The following CACNA1E variants were observed in gnomAD, a reference collection of about 807,000 sequenced individuals.
CACNA1E encodes the protein calcium voltage-gated channel subunit alpha1 E, also known as voltage-dependent R-type calcium channel subunit alpha-1E.
CACNA1E carries 40 observed loss-of-function variants against 259.2 expected under a neutral mutation model. That is an observed-to-expected ratio of 0.15 (90% CI 0.12 to 0.20). CACNA1E has a LOEUF of 0.20. CACNA1E is among the 10% of genes least tolerant of loss of function. The pLI is 1.00. For missense variants in CACNA1E, 1,874 were observed against 3,040.1 expected (o/e 0.62, Z 9.02); for synonymous variants, 1,104 against 1,138.5 (o/e 0.97, Z 0.61).
In CACNA1E at chr1:181,349,486, T is replaced by C. The variant is rs571369896; in HGVS notation, c.-15+31363T>C. ...TGCTGGAGGAGTTCAAAGAGGGGAA[T>C]GAAGCAGTGACATTGAAAGGGAAGA... On this transcript the variant is annotated intron_variant, in intron 1 of 11. Transcript: ENST00000524607. Among the ~76,000 whole-genome samples the C allele has an allele frequency of 9.9e-5, 15 of 152,144 alleles. 1 individual carries two copies. In the South Asian group the frequency reaches 3.1e-3, roughly 32 times the overall value.
chr1:181,739,339 A>G (rs1291345118), intron 25 of CACNA1E, 86 bp downstream of exon 25: 5 of 934,614 alleles, frequency 5.3e-6, no homozygotes, highest in Middle Eastern at 2.1e-4. Flanking sequence ...CAGAAATGCA[A>G]CATGCAGGGT....
chr1:181,580,682 A>G lies in CACNA1E; in HGVS notation c.857A>G (p.Asn286Ser), dbSNP rs1485196419. 15 of 1,613,940 alleles carry G rather than the reference A, an allele frequency of 9.3e-6. No homozygotes were observed. Among genetic ancestry groups the G allele is most frequent in the Non-Finnish European group, 1.2e-5 (14 of 1,179,892 alleles). Reference sequence around the variant, plus strand: ...GAATGCAAGGACTGGATCGGCCCCAATGATGGGATCACCCAGTTTGATAAC... The same window carrying G: ...GAATGCAAGGACTGGATCGGCCCCAGTGATGGGATCACCCAGTTTGATAAC... ...GYECKDWIGP[N>S]DGITQFDNIL... Residue 286 changes from asparagine to serine, a missense_variant, in exon 6 of 48, where the codon AAT (asparagine) becomes AGT (serine). Asn to Ser is a conservative substitution (Grantham distance 46). Transcript: ENST00000367573.
intron 3 of CACNA1E, among the ~76,000 whole-genome samples, chr1:181,536,141 A>G (rs1024311994): frequency 1.3e-5 from 2 of 151,836 alleles, no homozygotes; most frequent in Non-Finnish European, 2.9e-5. Context: ...TAAGATTTCT[A>G]TTTTTATTCA....
chr1:181,716,982 G>T, intron 10 of CACNA1E, 111 bp from the exon 11 acceptor site: 1 of 803,954 alleles, frequency 1.2e-6, no homozygotes, highest in Non-Finnish European at 2.1e-6. Flanking sequence ...CCTGCAATGT[G>T]GCAGTCACCT....
chr1:181,644,964 A>G (rs975719682), intron 6 of CACNA1E, among the ~76,000 whole-genome samples: 1 of 152,230 alleles, frequency 6.6e-6, no homozygotes, highest in South Asian at 2.1e-4. Flanking sequence ...TGAAAAGCGT[A>G]CAGGAGCAAG....
intron 2 of CACNA1E, among the ~76,000 whole-genome samples, chr1:181,477,164 C>T (rs549140398): frequency 1.3e-5 from 2 of 151,916 alleles, no homozygotes; most frequent in Admixed American, 6.5e-5. Context: ...TCCCCACCCC[C>T]CAAAACATCC....
In CACNA1E at chr1:181,337,435, C is replaced by T. The variant is rs142590291; in HGVS notation, c.-15+19312C>T. Among the ~76,000 whole-genome samples, 893 of 152,214 alleles carry T rather than the reference C, an allele frequency of 5.9e-3. 6 individuals carry two copies. The highest frequency in any genetic ancestry group is 8.2e-3 in the Non-Finnish European group (561 of 68,006). ...CTATACAATATTGTTAACTATAGCG[C>T]TAACCCTGTACATTTAAGATCTGTA... On this transcript the variant is annotated intron_variant, in intron 1 of 11. Transcript: ENST00000524607.
At chr1:181,739,396 C>A in intron 25 of CACNA1E, 143 bp downstream of exon 25, 1 of 661,588 alleles carries the variant, frequency 1.5e-6, no homozygotes. Flanking sequence ...CAGTCGCCCC[C>A]AGCAGAGCTC....
intron 6 of CACNA1E, among the ~76,000 whole-genome samples, chr1:181,602,692 G>A (rs1653857481): frequency 6.6e-6 from 1 of 152,144 alleles, no homozygotes; most frequent in Non-Finnish European, 1.5e-5. Context: ...ATGGTTGGAT[G>A]CCATTAGGGA....
At chr1:181,710,849 A>G (rs755860769) in intron 7 of CACNA1E, 105 bp from the exon 8 acceptor site, 7 of 795,518 alleles carry the variant, frequency 8.8e-6, no homozygotes, top group African/African-American at 3.4e-5. Context: ...ACATGGGCTT[A>G]ATAGAGGTAC....
At position 181,804,761 on chromosome 1, in the gene CACNA1E, A is replaced by C. The variant is rs1274277850; in HGVS notation, c.*5927A>C. On this transcript the variant is annotated 3_prime_UTR_variant, in exon 48 of 48. Transcript: ENST00000367573. ...CACAAAGCAATTTAGAAAAATCTTC[A>C]CTTGTTAGATCCCATGAAGTACCTA... The C allele has an allele frequency of 6.6e-6, 1 of 152,038 alleles. No individual in the cohort carries two copies. The highest frequency in any genetic ancestry group is 1.9e-4 in the East Asian group (1 of 5,182). 9.4% of individuals were successfully genotyped at this position (152,038 alleles called of 1,614,324 possible). A position where few individuals can be genotyped will look rare whatever the true frequency, so the allele number is the denominator to read the frequency against.
chr1:181,577,950 G>T, intron 4 of CACNA1E, 81 bp downstream of exon 4: 1 of 902,056 alleles, frequency 1.1e-6, no homozygotes, highest in South Asian at 1.5e-5. Context: ...AGGGAATTTG[G>T]GATAAACAAA....
At chr1:181,755,071 C>T (rs1657969038) in intron 27 of CACNA1E, among the ~76,000 whole-genome samples, 166 bp from the exon 28 acceptor site, 1 of 152,096 alleles carries the variant, frequency 6.6e-6, no homozygotes, top group Non-Finnish European at 1.5e-5. Flanking sequence ...AGCTTAGAAG[C>T]CAGCCCTTAA....
chr1:181,703,685 T>C (rs966796150), intron 7 of CACNA1E, among the ~76,000 whole-genome samples: 4 of 152,214 alleles, frequency 2.6e-5, no homozygotes, highest in Non-Finnish European at 5.9e-5. Context: ...TGAAATGTCA[T>C]GAAGCTGTGG....
At chr1:181,642,059 T>C (rs1247922167) in intron 6 of CACNA1E, among the ~76,000 whole-genome samples, 1 of 152,080 alleles carries the variant, frequency 6.6e-6, no homozygotes, top group Non-Finnish European at 1.5e-5. Context: ...AGCAGGGCTG[T>C]ATATAATTAG....
At chr1:181,790,251 G>T (rs1661177104) in intron 43 of CACNA1E, among the ~76,000 whole-genome samples, 194 bp from the exon 44 acceptor site, 1 of 151,236 alleles carries the variant, frequency 6.6e-6, no homozygotes, top group South Asian at 2.1e-4. Context: ...TCAAAGGCAG[G>T]ATGCAGGTTG....
chr1:181,440,451 G>A (rs1244765157), intron 2 of CACNA1E, among the ~76,000 whole-genome samples: 2 of 152,170 alleles, frequency 1.3e-5, no homozygotes, highest in Non-Finnish European at 2.9e-5. Context: ...ACTGAAAGTT[G>A]TGTGTGTCAA....
At chr1:181,683,280 A>G (rs986349077) in intron 7 of CACNA1E, among the ~76,000 whole-genome samples, 2 of 152,238 alleles carry the variant, frequency 1.3e-5, no homozygotes, top group African/African-American at 2.4e-5. Flanking sequence ...CACAGGTTCA[A>G]CAACAGGCAG....
At chr1:181,380,763 A>T (rs1655401702) in intron 1 of CACNA1E, among the ~76,000 whole-genome samples, 1 of 152,340 alleles carries the variant, frequency 6.6e-6, no homozygotes, top group East Asian at 1.9e-4. Flanking sequence ...ATATAAAATG[A>T]TAGAATTATG....
Sources: allele counts gnomAD v4.1 joint callset (sites outside exome capture counted in the v4.1 genomes callset), GRCh38; gene constraint gnomAD v4.1.1; transcripts MANE v1.5; gene names NCBI Gene and HGNC (gene_info 2026-07-23, HGNC 2026-07-21).